UTP4: variants seen among roughly 807,000 people sequenced by gnomAD.
The protein encoded by UTP4 is U3 small nucleolar RNA-associated protein 4 homolog.
A neutral mutation model predicts 82.4 loss-of-function variants in UTP4; 45 were observed. The observed-to-expected ratio is 0.55, with a 90% CI of 0.43 to 0.70. The LOEUF is 0.70. Among genes scored for constraint, UTP4 ranks in the 30% least tolerant of loss-of-function variants. UTP4 has a pLI of 0.00. For synonymous variants in UTP4, 348 were observed against 300.3 expected, an observed-to-expected ratio of 1.16 and a Z score of -1.64; for missense variants, 819 against 858.3, an observed-to-expected ratio of 0.95 and a Z score of 0.57.
At chr16:69,158,228 G>C (rs1202037562) in intron 12 of UTP4, among the ~76,000 whole-genome samples, 1 of 127,652 alleles carries the variant, frequency 7.8e-6, no homozygotes, top group African/African-American at 3.0e-5. Flanking sequence ...CTGGAGTGCA[G>C]TGGTGCGATC....
chr16:69,150,209 T>C (rs1459507685), intron 6 of UTP4, among the ~76,000 whole-genome samples: 3 of 152,232 alleles, frequency 2.0e-5, no homozygotes, highest in Admixed American at 6.5e-5. Context: ...TTTTCTCTTA[T>C]GTTCTTTCGA....
intron 2 of UTP4, 112 bp from the exon 3 acceptor site, chr16:69,136,584 C>T: frequency 1.0e-6 from 1 of 993,826 alleles, no homozygotes; most frequent in Non-Finnish European, 1.6e-6. Context: ...TAGCACAAAA[C>T]CCCACACTAG....
intron 6 of UTP4, among the ~76,000 whole-genome samples, chr16:69,146,126 C>G (rs1328625321): frequency 6.6e-6 from 1 of 151,570 alleles, no homozygotes; most frequent in African/African-American, 2.4e-5. Context: ...AAAAGATATT[C>G]CAAACTTTAG....
chr16:69,150,407 C>A, intron 6 of UTP4, 130 bp from the exon 7 acceptor site: 1 of 1,026,838 alleles, frequency 9.7e-7, no homozygotes, highest in Non-Finnish European at 1.5e-6. Context: ...AGGAAAAGAC[C>A]CTTGTAACTT....
chr16:69,134,702 C>CTTTTTT (rs751705922), intron 2 of UTP4, among the ~76,000 whole-genome samples: 20 of 131,488 alleles, frequency 1.5e-4, no homozygotes, highest in Non-Finnish European at 2.5e-4. Flanking sequence ...TTTTCTTTTT[C>CTTTTTT]TTTTTTTTTT....
At chr16:69,165,928 A>G (rs1963691271) in intron 15 of UTP4, 1 of 347,504 alleles carries the variant, frequency 2.9e-6, no homozygotes. Context: ...ACCTGGTTTC[A>G]TTAAAGGAGG....
At chr16:69,164,085 C>T (rs1963636170) in intron 14 of UTP4, among the ~76,000 whole-genome samples, 1 of 152,014 alleles carries the variant, frequency 6.6e-6, no homozygotes, top group South Asian at 2.1e-4. Context: ...GGAGTTTCAC[C>T]ATGTTAGCCA....
chr16:69,159,954 C>T (rs541714776), intron 12 of UTP4, among the ~76,000 whole-genome samples: 67 of 148,976 alleles, frequency 4.5e-4, no homozygotes, highest in Non-Finnish European at 8.6e-4. Flanking sequence ...CACTGCACTC[C>T]AGCCCGAGTG....
Position 69,153,695 on chromosome 16 carries a change from C to A in UTP4, c.1099+15C>A. On this transcript the variant is annotated intron_variant, in intron 9 of 16. Transcript: ENST00000314423. ...AGTTGCAACAGGTAAGATGGGAGCA[C>A]GTTTTTTTCAATAAGAAAACTGGAG... 1 of 1,569,142 alleles carries A rather than the reference C, an allele frequency of 6.4e-7. No individual in the cohort carries two copies. Among genetic ancestry groups the A allele is most frequent in the South Asian group, 1.1e-5 (1 of 89,258 alleles).
chr16:69,155,802 GT>G (rs1963393991), intron 10 of UTP4, 68 bp from the exon 11 acceptor site: 1 of 1,576,296 alleles, frequency 6.3e-7, no homozygotes, highest in East Asian at 2.2e-5. Context: ...AGCTTGAGGC[GT>G]CATGTCCCAG....
chr16:69,136,260 G>A (rs1276914283), intron 2 of UTP4, among the ~76,000 whole-genome samples: 1 of 152,154 alleles, frequency 6.6e-6, no homozygotes, highest in East Asian at 1.9e-4. Context: ...TGGGTGCAGT[G>A]GCTCACGCCT....
At chr16:69,159,874 G>A (rs1174835920) in intron 12 of UTP4, among the ~76,000 whole-genome samples, 1 of 151,818 alleles carries the variant, frequency 6.6e-6, no homozygotes, top group Non-Finnish European at 1.5e-5. Flanking sequence ...TGTAATCCCA[G>A]CTAGTCAGGA....
chr16:69,144,721 G>A (rs1331660049), intron 6 of UTP4, among the ~76,000 whole-genome samples: 1 of 152,170 alleles, frequency 6.6e-6, no homozygotes, highest in African/African-American at 2.4e-5. Flanking sequence ...TTTGATGTAT[G>A]TTAAGGCCCT....
At chr16:69,136,651 C>A (rs1962821289) in intron 2 of UTP4, 45 bp from the exon 3 acceptor site, 2 of 1,599,172 alleles carry the variant, frequency 1.3e-6, no homozygotes, top group African/African-American at 2.7e-5. Context: ...GTACCGGTAC[C>A]TGATGAATTT....
chr16:69,163,873 A>G (rs1241497920), intron 14 of UTP4, among the ~76,000 whole-genome samples: 1 of 145,522 alleles, frequency 6.9e-6, no homozygotes, highest in Admixed American at 6.9e-5. Context: ...TACTGCTTTG[A>G]TGGTCAGTTT....
intron 16 of UTP4, among the ~76,000 whole-genome samples, chr16:69,168,132 C>G: frequency 6.6e-6 from 1 of 152,102 alleles, no homozygotes; most frequent in East Asian, 1.9e-4. Flanking sequence ...TATGAGTGAA[C>G]TTAGTTAAAA....
At chr16:69,133,216 G>C (rs1962693300) in intron 1 of UTP4, among the ~76,000 whole-genome samples, 1 of 152,028 alleles carries the variant, frequency 6.6e-6, no homozygotes. Context: ...AGGAACTCTG[G>C]AGCTATGGAG....
intron 6 of UTP4, among the ~76,000 whole-genome samples, chr16:69,147,653 A>G (rs914773704): frequency 3.9e-5 from 6 of 152,224 alleles, no homozygotes; most frequent in African/African-American, 1.2e-4. Context: ...TTGCATATAC[A>G]TAATGAGATA....
intron 8 of UTP4, among the ~76,000 whole-genome samples, chr16:69,151,515 T>A (rs531583932): frequency 6.6e-6 from 1 of 151,866 alleles, no homozygotes; most frequent in East Asian, 1.9e-4. Context: ...AGAGGTGGGG[T>A]TTCACTGTGT....
Sources: gnomAD v4.1 joint callset for allele counts (sites outside exome capture counted in the v4.1 genomes callset) on GRCh38, gnomAD v4.1.1 for gene constraint, MANE v1.5 for transcripts, NCBI Gene and HGNC (gene_info 2026-07-23, HGNC 2026-07-21) for gene names.